The following DDX41 variants were observed in gnomAD, a reference collection of about 807,000 sequenced individuals.
DDX41 encodes probable ATP-dependent RNA helicase DDX41.
In DDX41, 50 loss-of-function variants were observed where a neutral mutation model predicts 78.8. That is an observed-to-expected ratio of 0.63 (90% CI 0.51 to 0.80). The LOEUF (loss-of-function observed/expected upper bound fraction) is 0.80, where lower values mean the gene tolerates loss of function less well. Ranked by LOEUF, DDX41 falls within the 30% of genes least tolerant of loss-of-function variation. The probability of loss-of-function intolerance (pLI) is 0.00; values close to 1 mark genes in which losing one functional copy is unlikely to be tolerated. For synonymous variants in DDX41, 381 were observed against 321.5 expected (o/e 1.19, Z -1.98); for missense variants, 633 against 849.2 (o/e 0.75, Z 3.16).
In DDX41 at chr5:177,515,273, C is replaced by T. The variant is rs1323014701; in HGVS notation, c.572-15G>A. On this transcript the variant is annotated splice_polypyrimidine_tract_variant and intron_variant, in intron 6 of 16. Coordinates refer to ENST00000330503, the MANE Select transcript of DDX41 (RefSeq NM_016222.4). ...TCTCAGGATGGCTATGAAAACCAAC[C>T]GACATCGTCTTCATGACTCACAGGT... is the stretch of plus-strand genomic sequence containing the variant. 5.0e-6 allele frequency: 8 copies of T among 1,613,602 alleles called. No individual in the cohort carries two copies. The highest frequency in any genetic ancestry group is 1.6e-4 in the Middle Eastern group (1 of 6,084).
At position 177,514,022 on chromosome 5, in the gene DDX41, C is replaced by T. The variant is rs1380873053; in HGVS notation, c.936-175G>A. Among the ~76,000 whole-genome samples, 2 of 152,196 alleles carry T rather than the reference C, an allele frequency of 1.3e-5. No homozygotes were observed. The highest frequency in any genetic ancestry group is 1.5e-5 in the Non-Finnish European group (1 of 68,030). The stretch of plus-strand genomic sequence containing the variant: ...TATAGCACACAGCTCTTTCCCAAGG[C>T]ACTGCAGCCATCTTCACCACCGCTC... On this transcript the variant is annotated intron_variant, in intron 9 of 16. Coordinates refer to ENST00000330503, the MANE Select transcript of DDX41 (RefSeq NM_016222.4). The surrounding 1 kb of genome is among the most constrained non-coding windows in gnomAD (Gnocchi z 4.2).
intron 2 of DDX41, 36 bp from the exon 3 acceptor site, chr5:177,516,483 C>CATG: frequency 6.2e-7 from 1 of 1,609,568 alleles, no homozygotes; most frequent in Non-Finnish European, 8.5e-7. Flanking sequence ...ATAGGATGGG[C>CATG]ATGGAGTCCA....
Position 177,513,892 on chromosome 5 carries a change from C to A in DDX41, c.936-45G>T. On this transcript the variant is annotated intron_variant, in intron 9 of 16. Transcript: ENST00000330503. The surrounding 1 kb of genome is among the most constrained non-coding windows in gnomAD (Gnocchi z 4.6). ...CCTGAGGTTGGGGCCACTGGCCTAT[C>A]ACCTATCTAGAGGCAAGCAGGCACC... 1 of 1,602,336 alleles carries A rather than the reference C, an allele frequency of 6.2e-7. No individual in the cohort carries two copies. Among genetic ancestry groups the A allele is most frequent in the South Asian group, 1.1e-5 (1 of 90,598 alleles).
intron 6 of DDX41, 78 bp downstream of exon 6, chr5:177,515,607 A>G: frequency 6.4e-7 from 1 of 1,557,488 alleles, no homozygotes; most frequent in Non-Finnish European, 8.8e-7. Context: ...GATGTGGCTG[A>G]GCTCAGTGGG....
At chr5:177,512,684 G>C in intron 13 of DDX41, 39 bp from the exon 14 acceptor site, 2 of 1,613,654 alleles carry the variant, frequency 1.2e-6, no homozygotes, top group Non-Finnish European at 1.7e-6. Flanking sequence ...AGCCACCATG[G>C]GACAGGGGAG....
At position 177,515,927 on chromosome 5, in the gene DDX41, A is replaced by G; in HGVS notation, c.434+2T>C. 3.7e-6 allele frequency: 6 copies of G among 1,614,142 alleles called. No individual in the cohort carries two copies. In the South Asian group the frequency reaches 6.6e-5, roughly 18 times the overall value. On this transcript the variant is annotated splice_donor_variant, in intron 5 of 16. Coordinates refer to ENST00000330503, the MANE Select transcript of DDX41 (RefSeq NM_016222.4). LOFTEE classifies it high-confidence loss of function. Reference sequence around the variant, plus strand: ...GGGCAACTGCAGACTGTACAGACATACCTGGTTTTGATGGGGTCATCATAC... The same window carrying G: ...GGGCAACTGCAGACTGTACAGACATGCCTGGTTTTGATGGGGTCATCATAC...
rs1256014951 is a variant in DDX41 at position 177,516,328 on chromosome 5, G to A, written c.258C>T (p.Ser86=). 13 of 1,614,140 alleles carry A rather than the reference G, an allele frequency of 8.1e-6. No individual in the cohort carries two copies. Among genetic ancestry groups the A allele is most frequent in the East Asian group, 2.2e-5 (1 of 44,884 alleles). Reference sequence around the variant, plus strand: ...TAAGGTGCTGGTGCTGATCCAGGAGGCTGACGTTGGACTGAGGGCCTAGCG... The same window carrying A: ...TAAGGTGCTGGTGCTGATCCAGGAGACTGACGTTGGACTGAGGGCCTAGCG... ...DIPLGPQSNV[S]LLDQHQHLKE... The change falls in exon 3 of 17, where the codon AGC becomes AGT. Residue 86 remains serine, a synonymous_variant. Coordinates refer to ENST00000330503, the MANE Select transcript of DDX41 (RefSeq NM_016222.4).
chr5:177,513,884 T>C lies in DDX41; in HGVS notation c.936-37A>G, dbSNP rs1761099648. 1 of 1,607,944 alleles carries C rather than the reference T, an allele frequency of 6.2e-7. No homozygotes were observed. The highest frequency in any genetic ancestry group is 2.2e-5 in the East Asian group (1 of 44,800). ...GGAGAGACCCTGAGGTTGGGGCCAC[T>C]GGCCTATCACCTATCTAGAGGCAAG... On this transcript the variant is annotated intron_variant, in intron 9 of 16. Transcript: ENST00000330503. This position sits in a 1 kb window ranked among gnomAD's most constrained non-coding sequence, Gnocchi z 4.6.
In DDX41 at chr5:177,516,950, T is replaced by G. The variant is rs1241011465; in HGVS notation, c.-5A>C. ...TTCGGGTTCCGACTCCTCCATTCTT[T>G]GCTGCACGCATGCGCGCCACGGCGA... On this transcript the variant is annotated 5_prime_UTR_variant, in exon 1 of 17. Coordinates refer to ENST00000330503, the MANE Select transcript of DDX41 (RefSeq NM_016222.4). The G allele has an allele frequency of 6.2e-7, 1 of 1,610,918 alleles. No individual in the cohort carries two copies. The highest frequency in any genetic ancestry group is 1.7e-5 in the Admixed American group (1 of 59,990).
rs1313724406 is a variant in DDX41, at chr5:177,512,609, CG to C, written c.1435del (p.Arg479GlyfsTer8). The stretch of plus-strand genomic sequence containing the variant: ...TACTAGGACATCCTTCTTGCCCTCC[CG>C]GAATGCCTCGATGGCCTTAGTCCGT... ...EERTKAIEAF[R>X]EGKKDVLVAT... On this transcript the variant is annotated frameshift_variant, in exon 14 of 17. Transcript: ENST00000330503. LOFTEE classifies it high-confidence loss of function. 6.2e-7 allele frequency: 1 copy of C among 1,614,010 alleles called. No individual in the cohort carries two copies. Among genetic ancestry groups the C allele is most frequent in the Non-Finnish European group, 8.5e-7 (1 of 1,180,044 alleles).
Position 177,511,664 on chromosome 5 carries a change from G to T in DDX41, c.*127C>A. The T allele has an allele frequency of 7.6e-7, 1 of 1,315,666 alleles. No individual in the cohort carries two copies. Among genetic ancestry groups the T allele is most frequent in the Non-Finnish European group, 1.1e-6 (1 of 941,362 alleles). 81.5% of individuals were successfully genotyped at this position (1,315,666 alleles called of 1,614,324 possible). A position where few individuals can be genotyped will look rare whatever the true frequency, so the allele number is the denominator to read the frequency against. On this transcript the variant is annotated 3_prime_UTR_variant, in exon 17 of 17. Coordinates refer to ENST00000330503, the MANE Select transcript of DDX41 (RefSeq NM_016222.4). ...AAGAGCACAGGGAACAGGCAGCCAGGACCAGCCTGGCCCATCCCAGGCCAG... is the reference window on the plus strand; with the variant it reads ...AAGAGCACAGGGAACAGGCAGCCAGTACCAGCCTGGCCCATCCCAGGCCAG...
In DDX41 at chr5:177,516,118, C is replaced by A; in HGVS notation, c.373+1G>T. ...TCTCACTATCCTGGCTACAACCATA[C>A]CTCGGCCCTCGGCAACACTCTCCAG... On this transcript the variant is annotated splice_donor_variant, in intron 4 of 16. Transcript: ENST00000330503. LOFTEE classifies it high-confidence loss of function. The A allele has an allele frequency of 6.2e-7, 1 of 1,614,044 alleles. No individual in the cohort carries two copies. The highest frequency in any genetic ancestry group is 8.5e-7 in the Non-Finnish European group (1 of 1,180,032).
At position 177,513,025 on chromosome 5, in the gene DDX41, T is replaced by C. The variant is rs1187303932; in HGVS notation, c.1288A>G (p.Lys430Glu). 2 of 1,613,594 alleles carry C rather than the reference T, an allele frequency of 1.2e-6. No homozygotes were observed. Among genetic ancestry groups the C allele is most frequent in the African/African-American group, 1.3e-5 (1 of 74,910 alleles). Residue 430 changes from lysine to glutamate, a missense_variant, in exon 12 of 17, where the codon AAG becomes GAG. This residue lies in a region of DDX41 where 185 missense variants were observed against 367.4 expected (regional missense o/e 0.50). Coordinates refer to ENST00000330503, the MANE Select transcript of DDX41 (RefSeq NM_016222.4). This position sits in a 1 kb window ranked among gnomAD's most constrained non-coding sequence, Gnocchi z 4.6. ...GCTGCACTCACAGGCGGGGGTGTCT[T>C]CTGCAGGCACTCGAGCAGGTACACC... ...KMVYLLECLQKTPPPVLIFAE... is the reference protein window; with the variant it reads ...KMVYLLECLQETPPPVLIFAE...
In DDX41 at chr5:177,515,838, G is replaced by C; in HGVS notation, c.435-17C>G. The C allele has an allele frequency of 6.2e-7, 1 of 1,614,192 alleles. No individual in the cohort carries two copies. The highest frequency in any genetic ancestry group is 1.1e-5 in the South Asian group (1 of 91,082). On this transcript the variant is annotated splice_polypyrimidine_tract_variant and intron_variant, in intron 5 of 16. Coordinates refer to ENST00000330503, the MANE Select transcript of DDX41 (RefSeq NM_016222.4). ...GGAGTCCAGCTGTGGATGGGTAACA[G>C]GGATCAAGAGAGCCCTGGGAATAGC...
In DDX41 at chr5:177,513,109, G is replaced by A. The variant is rs754665757; in HGVS notation, c.1231-27C>T. 1.9e-6 allele frequency: 3 copies of A among 1,601,368 alleles called. No individual in the cohort carries two copies. Among genetic ancestry groups the A allele is most frequent in the Admixed American group, 1.7e-5 (1 of 59,502 alleles). On this transcript the variant is annotated intron_variant, in intron 11 of 16. Coordinates refer to ENST00000330503, the MANE Select transcript of DDX41 (RefSeq NM_016222.4). The surrounding 1 kb of genome is among the most constrained non-coding windows in gnomAD (Gnocchi z 4.6). ...TGCCACCACAAAGATCAGGTCAGGTGATCTTGAGATTAGGCTTACCCGCCA... is the reference window on the plus strand; with the variant it reads ...TGCCACCACAAAGATCAGGTCAGGTAATCTTGAGATTAGGCTTACCCGCCA...
Position 177,516,416 on chromosome 5 carries a change from C to A in DDX41, c.170G>T (p.Gly57Val). The stretch of plus-strand genomic sequence containing the variant: ...GTCCTGCTGCTCTTCCTCCGCAGCT[C>A]CCTTGCGTCTTCGCTGCAGCAGCTT... The part of the protein sequence containing the change: ...LQKLLQRRRK[G>V]AAEEEQQDSG... The change falls in exon 3 of 17, where the codon GGA (glycine) becomes GTA (valine). Residue 57 changes from glycine (G) to valine (V), a missense_variant. Transcript: ENST00000330503. The A allele has an allele frequency of 6.2e-7, 1 of 1,613,876 alleles. No individual in the cohort carries two copies. The highest frequency in any genetic ancestry group is 8.5e-7 in the Non-Finnish European group (1 of 1,180,032).
rs1184919983 is a variant in DDX41, at chr5:177,513,764, T to A, written c.1019A>T (p.Tyr340Phe). Residue 340 changes from tyrosine to phenylalanine, a missense_variant, in exon 10 of 17, where the codon TAC becomes TTC. Physicochemically the swap from Tyr to Phe is conservative, Grantham distance 22. Coordinates refer to ENST00000330503, the MANE Select transcript of DDX41 (RefSeq NM_016222.4). The surrounding 1 kb of genome is among the most constrained non-coding windows in gnomAD (Gnocchi z 4.6). ...KKMVSLDICR[Y>F]LALDEADRMI... The stretch of plus-strand genomic sequence containing the variant: ...GCGGTCAGCCTCGTCCAGGGCCAGG[T>A]AGCGACAGATGTCTAGGCTGACCAT... 6.2e-7 allele frequency: 1 copy of A among 1,613,664 alleles called. No individual in the cohort carries two copies. Among genetic ancestry groups the A allele is most frequent in the Non-Finnish European group, 8.5e-7 (1 of 1,180,000 alleles).
In DDX41 at chr5:177,515,244, G is replaced by A. The variant is rs920927202; in HGVS notation, c.586C>T (p.Leu196=). Residue 196 remains leucine, a synonymous_variant, in exon 7 of 17, where the codon CTG becomes TTG. Coordinates refer to ENST00000330503, the MANE Select transcript of DDX41 (RefSeq NM_016222.4). ...MKFPAAILRG[L]KKKGIHHPTP... is the part of the protein sequence containing the mutation. The stretch of plus-strand genomic sequence containing the variant: ...GGGTGGTGAATGCCTTTCTTCTTCA[G>A]GCCTCTCAGGATGGCTATGAAAACC... 1.2e-6 allele frequency: 2 copies of A among 1,613,850 alleles called. No homozygotes were observed. The highest frequency in any genetic ancestry group is 2.7e-5 in the African/African-American group (2 of 74,866).
intron 3 of DDX41, 40 bp downstream of exon 3, chr5:177,516,248 A>G (rs376350606): frequency 6.2e-7 from 1 of 1,614,030 alleles, no homozygotes; most frequent in Non-Finnish European, 8.5e-7. Context: ...TACCAGGCTC[A>G]GCTTCTTCTT....
Sources: gnomAD v4.1 joint callset for allele counts (sites outside exome capture counted in the v4.1 genomes callset) on GRCh38, gnomAD v4.1.1 for gene constraint, gnomAD v4.1.1 regional missense constraint, Gnocchi (gnomAD v3.1) non-coding constraint, MANE v1.5 for transcripts, NCBI Gene and HGNC (gene_info 2026-07-23, HGNC 2026-07-21) for gene names.